The following CACNA1C variants were observed in gnomAD, a reference collection of about 807,000 sequenced individuals.
CACNA1C encodes voltage-dependent L-type calcium channel subunit alpha-1C.
In CACNA1C, 30 loss-of-function variants were observed where a neutral mutation model predicts 229.0. The observed-to-expected ratio is 0.13, with a 90% confidence interval of 0.10 to 0.18. The LOEUF is 0.18. Ranked by LOEUF, CACNA1C falls within the 10% of genes least tolerant of loss-of-function variation. The pLI, the probability that CACNA1C is intolerant of heterozygous loss-of-function variation, is 1.00. For synonymous variants in CACNA1C, 1,114 were observed against 1,132.5 expected (o/e 0.98, Z 0.33); for missense variants, 1,658 against 2,845.0 (o/e 0.58, Z 9.49).
chr12:2,546,769 C>T (rs2099882025), intron 9 of CACNA1C, among the ~76,000 whole-genome samples: 1 of 152,212 alleles, frequency 6.6e-6, no homozygotes, highest in Non-Finnish European at 1.5e-5. Flanking sequence ...AACTTATTGG[C>T]CCATTTAAAC....
At chr12:2,518,586 C>A (rs1447308737) in intron 9 of CACNA1C, among the ~76,000 whole-genome samples, 1 of 148,406 alleles carries the variant, frequency 6.7e-6, no homozygotes, top group Non-Finnish European at 1.5e-5. Context: ...CCAGCCTGGG[C>A]GACAGAGCCA....
chr12:2,258,103 G>A (rs2078683170), intron 3 of CACNA1C, among the ~76,000 whole-genome samples: 1 of 152,234 alleles, frequency 6.6e-6, no homozygotes, highest in Admixed American at 6.5e-5. Context: ...TTTGGGGTCT[G>A]CCCTGTCCCA....
intron 3 of CACNA1C, among the ~76,000 whole-genome samples, chr12:2,150,097 G>A (rs1016162557): frequency 1.3e-5 from 2 of 152,184 alleles, no homozygotes; most frequent in Admixed American, 6.5e-5. Context: ...AAGAGTAGCA[G>A]CTCCCAGAGG....
chr12:2,310,883 G>A (rs2095402673), intron 3 of CACNA1C, among the ~76,000 whole-genome samples: 3 of 152,218 alleles, frequency 2.0e-5, no homozygotes, highest in African/African-American at 7.2e-5. Context: ...ACTTGGGTGG[G>A]AGGGAGTTGA....
intron 3 of CACNA1C, among the ~76,000 whole-genome samples, chr12:2,230,039 G>C (rs1364710125): frequency 1.3e-5 from 2 of 152,202 alleles, no homozygotes; most frequent in Non-Finnish European, 2.9e-5. Context: ...ACTGCCTTAA[G>C]CTCCGGCAGC....
chr12:2,137,683 ATACT>A (rs1347293778), intron 3 of CACNA1C, among the ~76,000 whole-genome samples: 4 of 151,250 alleles, frequency 2.6e-5, no homozygotes, highest in Non-Finnish European at 5.9e-5. Flanking sequence ...TGTCTCTAAA[ATACT>A]TACTGTTTTT....
In CACNA1C at chr12:2,566,209, G is replaced by A. The variant is rs1270735701; in HGVS notation, c.1509-213G>A. On this transcript the variant is annotated intron_variant, in intron 11 of 46. Transcript: ENST00000399655. This position sits in a 1 kb window ranked among gnomAD's most constrained non-coding sequence, Gnocchi z 4.0. The stretch of plus-strand genomic sequence containing the variant: ...ACCCCATGAGGTCGGCCCTCTTCCC[G>A]GGAGAACTGAAGCTTGGAGGAGTTC... Among the ~76,000 whole-genome samples, 5 of 152,170 alleles carry A rather than the reference G, an allele frequency of 3.3e-5. No homozygotes were observed. Among genetic ancestry groups the A allele is most frequent in the East Asian group, 3.9e-4 (2 of 5,194 alleles).
At chr12:2,579,135 G>C (rs1178064672) in intron 13 of CACNA1C, among the ~76,000 whole-genome samples, 1 of 152,086 alleles carries the variant, frequency 6.6e-6, no homozygotes, top group Admixed American at 6.5e-5. Context: ...GCCATGACCT[G>C]CTTGTCAGGC....
At position 2,653,980 on chromosome 12, in the gene CACNA1C, T is replaced by C; in HGVS notation, c.4140+80T>C. The C allele has an allele frequency of 8.9e-7, 1 of 1,117,322 alleles. No homozygotes were observed. Among genetic ancestry groups the C allele is most frequent in the Non-Finnish European group, 1.3e-6 (1 of 742,904 alleles). 69.2% of individuals were successfully genotyped at this position (1,117,322 alleles called of 1,614,324 possible). A position where few individuals can be genotyped will look rare whatever the true frequency, so the allele number is the denominator to read the frequency against. On this transcript the variant is annotated intron_variant, in intron 33 of 46. Transcript: ENST00000399655. The surrounding 1 kb of genome is among the most constrained non-coding windows in gnomAD (Gnocchi z 4.7). ...TCCCAGCACCACATTCCCTAACGCC[T>C]TCCTCCCTCCCTTCTCCCTTTCATT...
At chr12:2,178,391 G>A (rs2096731908) in intron 3 of CACNA1C, among the ~76,000 whole-genome samples, 1 of 152,218 alleles carries the variant, frequency 6.6e-6, no homozygotes, top group Admixed American at 6.5e-5. Flanking sequence ...CTTTTTGCAT[G>A]GGATGAACCT....
upstream of CACNA1C, chr12:2,048,271 T>A (rs1164398933): frequency 6.6e-6 from 1 of 152,222 alleles, no homozygotes; most frequent in Non-Finnish European, 1.5e-5. Context: ...TTCCCATCGC[T>A]GGCCTTTGAG....
chr12:2,355,425 G>A (rs145997962), intron 3 of CACNA1C, among the ~76,000 whole-genome samples: 36 of 152,212 alleles, frequency 2.4e-4, no homozygotes, highest in Middle Eastern at 3.4e-3. Flanking sequence ...GGGTGCCACC[G>A]TGGTTCAGTA....
intron 3 of CACNA1C, among the ~76,000 whole-genome samples, chr12:2,355,476 C>T (rs2097334966): frequency 6.6e-6 from 1 of 152,116 alleles, no homozygotes; most frequent in African/African-American, 2.4e-5. Context: ...ATGCCAAGTC[C>T]CTTGACACTG....
At position 2,601,197 on chromosome 12, in the gene CACNA1C, G is replaced by A. The variant is rs2071976358; in HGVS notation, c.2854-657G>A. On this transcript the variant is annotated intron_variant, in intron 21 of 46. Transcript: ENST00000399655. The surrounding 1 kb of genome is among the most constrained non-coding windows in gnomAD (Gnocchi z 5.9). Reference sequence around the variant, plus strand: ...TTAGAATATTTGGCATCAATAATAAGCACCCTTTGAGGCCAGGAAGGGGAG... The same window carrying A: ...TTAGAATATTTGGCATCAATAATAAACACCCTTTGAGGCCAGGAAGGGGAG... Among the ~76,000 whole-genome samples, 2 of 152,210 alleles carry A rather than the reference G, an allele frequency of 1.3e-5. No individual in the cohort carries two copies. Among genetic ancestry groups the A allele is most frequent in the Non-Finnish European group, 2.9e-5 (2 of 68,042 alleles).
At chr12:2,492,607 A>G (rs2099738146) in intron 6 of CACNA1C, among the ~76,000 whole-genome samples, 1 of 152,244 alleles carries the variant, frequency 6.6e-6, no homozygotes, top group South Asian at 2.1e-4. Context: ...GTAAGGCTTC[A>G]CTGTAAAGTG....
intron 18 of CACNA1C, among the ~76,000 whole-genome samples, chr12:2,591,877 T>G (rs2065521356): frequency 6.6e-6 from 1 of 152,234 alleles, no homozygotes; most frequent in African/African-American, 2.4e-5. Flanking sequence ...CCGGCAGTCC[T>G]TGGCTTGTAG....
chr12:2,683,395 A>G (rs2097276512), intron 43 of CACNA1C, among the ~76,000 whole-genome samples: 1 of 152,202 alleles, frequency 6.6e-6, no homozygotes, highest in Non-Finnish European at 1.5e-5. Flanking sequence ...CAGAAGTTTG[A>G]GACACAGAGT....
At chr12:2,302,612 C>T (rs765346111) in intron 3 of CACNA1C, among the ~76,000 whole-genome samples, 11 of 152,156 alleles carry the variant, frequency 7.2e-5, no homozygotes, top group East Asian at 1.9e-4. Flanking sequence ...GGATGGGTAG[C>T]GTGCCAACAG....
At chr12:2,606,767 G>T in intron 25 of CACNA1C, 104 bp downstream of exon 25, 1 of 1,040,092 alleles carries the variant, frequency 9.6e-7, no homozygotes, top group Non-Finnish European at 1.4e-6. Flanking sequence ...GACTGCAGTG[G>T]CACCTGCGCT....
Sources: allele counts gnomAD v4.1 joint callset (sites outside exome capture counted in the v4.1 genomes callset), GRCh38; gene constraint gnomAD v4.1.1; non-coding constraint Gnocchi (gnomAD v3.1); transcripts MANE v1.5; gene names NCBI Gene and HGNC (gene_info 2026-07-23, HGNC 2026-07-21).